Variants in SLC15A1 observed in about 807,000 individuals in gnomAD.
SLC15A1 encodes the protein solute carrier family 15 member 1, also known as Caco-2 oligopeptide transporter.
Under a neutral mutation model 92.9 loss-of-function variants are expected in SLC15A1, and 83 were observed. The observed-to-expected ratio is 0.89, with a 90% CI of 0.75 to 1.07. The LOEUF (loss-of-function observed/expected upper bound fraction) is 1.07, where lower values mean the gene tolerates loss of function less well. Among genes scored for constraint, SLC15A1 ranks in the 50% least tolerant of loss-of-function variants. The pLI, the probability that SLC15A1 is intolerant of heterozygous loss-of-function variation, is 0.00. For synonymous variants in SLC15A1, 322 were observed against 318.2 expected, an observed-to-expected ratio of 1.01 and a Z score of -0.13; for missense variants, 857 against 880.1, an observed-to-expected ratio of 0.97 and a Z score of 0.33.
intron 21 of SLC15A1, 124 bp downstream of exon 21, chr13:98,687,457 G>C: frequency 8.8e-7 from 1 of 1,142,802 alleles, no homozygotes; most frequent in Non-Finnish European, 1.3e-6. Context: ...CTGTAGGGAA[G>C]ATACCATAAT....
chr13:98,686,358 A>G (rs1462685202), intron 21 of SLC15A1, 61 bp from the exon 22 acceptor site: 4 of 1,171,898 alleles, frequency 3.4e-6, no homozygotes, highest in Non-Finnish European at 5.0e-6. Flanking sequence ...AGGAGAACAC[A>G]GCTCACCGAT....
chr13:98,721,010 C>A, intron 7 of SLC15A1: 1 of 405,018 alleles, frequency 2.5e-6, no homozygotes, highest in Non-Finnish European at 5.0e-6. Flanking sequence ...CAAGATCACG[C>A]CACTGCGCTC....
intron 1 of SLC15A1, among the ~76,000 whole-genome samples, chr13:98,737,701 T>C (rs781536658): frequency 8.5e-5 from 13 of 152,176 alleles, no homozygotes; most frequent in Non-Finnish European, 1.6e-4. Context: ...TACCCAGGTG[T>C]TTCCTTATAG....
At chr13:98,723,874 T>C in intron 5 of SLC15A1, 38 bp downstream of exon 5, 1 of 1,612,188 alleles carries the variant, frequency 6.2e-7, no homozygotes, top group Non-Finnish European at 8.5e-7. Context: ...GCGCACAAGG[T>C]GGGAGGGTGA....
intron 7 of SLC15A1, chr13:98,721,108 A>G: frequency 2.1e-6 from 1 of 485,488 alleles, no homozygotes; most frequent in South Asian, 1.5e-5. Flanking sequence ...AACTCTTCCT[A>G]AGTCACAGAA....
chr13:98,700,484 C>CAAA (rs56342746), intron 18 of SLC15A1, among the ~76,000 whole-genome samples: 730 of 50,692 alleles, frequency 0.014, 67 homozygotes, highest in South Asian at 0.032. Context: ...GACCCTGTCT[C>CAAA]AAAAAAAAAA....
rs369548940 is a variant in SLC15A1, at chr13:98,749,974, C to A, written c.4+2621G>T. Among the ~76,000 whole-genome samples, 48 of 152,126 alleles carry A rather than the reference C, an allele frequency of 3.2e-4. 1 individual carries two copies. Among genetic ancestry groups the A allele is most frequent in the South Asian group, 2.1e-4 (1 of 4,816 alleles). On this transcript the variant is annotated intron_variant, in intron 1 of 22. Coordinates refer to ENST00000376503, the MANE Select transcript of SLC15A1 (RefSeq NM_005073.4). ...AGAAGTTGCCACAGAGACCACCTGG[C>A]CCCCAGGACCCGAAGCATTTCCTAC...
intron 1 of SLC15A1, among the ~76,000 whole-genome samples, chr13:98,743,992 A>G (rs2088471108): frequency 6.6e-6 from 1 of 152,112 alleles, no homozygotes; most frequent in Admixed American, 6.6e-5. Flanking sequence ...ATATTGTCAC[A>G]GGAGAAAATG....
chr13:98,688,388 T>G (rs375607517), intron 19 of SLC15A1, 32 bp from the exon 20 acceptor site: 3 of 1,605,692 alleles, frequency 1.9e-6, no homozygotes, highest in Admixed American at 3.4e-5. Context: ...TTGGTTAACA[T>G]TCTTGGCATT....
At chr13:98,726,490 C>T (rs367848930) in intron 2 of SLC15A1, 41 bp from the exon 3 acceptor site, 204 of 1,569,544 alleles carry the variant, frequency 1.3e-4, no homozygotes, top group Non-Finnish European at 1.7e-4. Context: ...AATACACCCC[C>T]CACTGGTCCA....
At chr13:98,726,003 T>C (rs1243966163) in intron 4 of SLC15A1, 120 bp downstream of exon 4, 4 of 1,295,630 alleles carry the variant, frequency 3.1e-6, no homozygotes, top group East Asian at 2.5e-5. Flanking sequence ...ATACCACACC[T>C]GGCCTCTCCT....
At chr13:98,730,590 A>G (rs1278869286) in intron 1 of SLC15A1, among the ~76,000 whole-genome samples, 2 of 152,184 alleles carry the variant, frequency 1.3e-5, no homozygotes, top group African/African-American at 4.8e-5. Context: ...CAGCCGAACA[A>G]CCAAATGAGG....
intron 1 of SLC15A1, among the ~76,000 whole-genome samples, chr13:98,751,355 T>C (rs1469994451): frequency 6.6e-6 from 1 of 152,206 alleles, no homozygotes; most frequent in African/African-American, 2.4e-5. Flanking sequence ...GCTCTCGGGA[T>C]TGGATCTGCT....
chr13:98,693,394 G>A (rs1378218501), intron 18 of SLC15A1, among the ~76,000 whole-genome samples: 1 of 152,112 alleles, frequency 6.6e-6, no homozygotes. Context: ...CACTGCGACT[G>A]GCCTATTGCC....
At position 98,721,859 on chromosome 13, in the gene SLC15A1, C is replaced by T. The variant is rs760259204; in HGVS notation, c.410G>A (p.Gly137Glu). 6.2e-7 allele frequency: 1 copy of T among 1,614,116 alleles called. No homozygotes were observed. Among genetic ancestry groups the T allele is most frequent in the South Asian group, 1.1e-5 (1 of 91,060 alleles). ...IGLALIALGT[G>E]GIKPCVSAFG... Reference sequence around the variant, plus strand: ...CGCAGACACACAGGGTTTGATTCCTCCAGTCCCGAGAGCTATCAGGGCCAG... The same window carrying T: ...CGCAGACACACAGGGTTTGATTCCTTCAGTCCCGAGAGCTATCAGGGCCAG... Residue 137 changes from glycine to glutamate, a missense_variant, in exon 6 of 23, where the codon GGA (glycine) becomes GAA (glutamate). Coordinates refer to ENST00000376503, the MANE Select transcript of SLC15A1 (RefSeq NM_005073.4).
chr13:98,719,974 A>G (rs1202278060), intron 7 of SLC15A1, among the ~76,000 whole-genome samples: 3 of 151,776 alleles, frequency 2.0e-5, no homozygotes, highest in Non-Finnish European at 4.4e-5. Context: ...ATAATAAATA[A>G]ATAAAAATTA....
chr13:98,689,009 G>C (rs774207183), intron 18 of SLC15A1, among the ~76,000 whole-genome samples: 2 of 151,656 alleles, frequency 1.3e-5, no homozygotes, highest in South Asian at 4.2e-4. Context: ...GTGCAATCTC[G>C]GCTCACTGCA....
At chr13:98,687,092 C>T (rs564442079) in intron 21 of SLC15A1, among the ~76,000 whole-genome samples, 28 of 151,926 alleles carry the variant, frequency 1.8e-4, no homozygotes, top group African/African-American at 5.8e-4. Context: ...GGACCACAAG[C>T]GTGCTCTACC....
In SLC15A1 at chr13:98,686,350, G is replaced by A; in HGVS notation, c.1828-53C>T. On this transcript the variant is annotated intron_variant, in intron 21 of 22. Coordinates refer to ENST00000376503, the MANE Select transcript of SLC15A1 (RefSeq NM_005073.4). ...GCTCCAGGTCTCACCCTCCGAGCAG[G>A]AGAACACAGCTCACCGATGGGCGTT... 3.1e-6 allele frequency: 4 copies of A among 1,273,190 alleles called. 1 individual carries two copies. The East Asian group carries it at 9.9e-5, about 31-fold the overall frequency. 78.9% of individuals were successfully genotyped at this position (1,273,190 alleles called of 1,614,324 possible).
Sources: allele counts gnomAD v4.1 joint callset (sites outside exome capture counted in the v4.1 genomes callset), GRCh38; gene constraint gnomAD v4.1.1; transcripts MANE v1.5; gene names NCBI Gene and HGNC (gene_info 2026-07-23, HGNC 2026-07-21).